Variants in CADPS2 observed in about 807,000 individuals in gnomAD.
CADPS2 encodes the protein calcium dependent secretion activator 2.
A neutral mutation model predicts 172.5 loss-of-function variants in CADPS2; 93 were observed. That is an observed-to-expected ratio of 0.54 (90% confidence interval 0.46 to 0.64). The LOEUF is 0.64. Among genes scored for constraint, CADPS2 ranks in the 30% least tolerant of loss-of-function variants. The pLI is 0.00. For missense variants in CADPS2, 1,420 were observed against 1,565.9 expected (o/e 0.91, Z 1.57); for synonymous variants, 546 against 555.2 (o/e 0.98, Z 0.23).
At chr7:122,424,613 T>A (rs946917469) in intron 17 of CADPS2, among the ~76,000 whole-genome samples, 1 of 152,254 alleles carries the variant, frequency 6.6e-6, no homozygotes, top group Non-Finnish European at 1.5e-5. Context: ...TTACAGAGAA[T>A]AGATTACTAG....
chr7:122,501,667 G>A (rs1002543827), intron 9 of CADPS2, among the ~76,000 whole-genome samples: 7 of 151,912 alleles, frequency 4.6e-5, no homozygotes, highest in South Asian at 4.2e-4. Context: ...GGCTAACACC[G>A]TAGAAAATGT....
At chr7:122,707,110 C>T (rs543412916) in intron 2 of CADPS2, among the ~76,000 whole-genome samples, 5 of 151,856 alleles carry the variant, frequency 3.3e-5, no homozygotes, top group East Asian at 3.9e-4. Context: ...CAGTTACAGG[C>T]TCTAAATTCC....
chr7:122,589,714 T>C (rs943046475), intron 6 of CADPS2, among the ~76,000 whole-genome samples: 1 of 151,838 alleles, frequency 6.6e-6, no homozygotes, highest in African/African-American at 2.4e-5. Context: ...CTGTTGCAAA[T>C]CCAGATACAG....
intron 9 of CADPS2, among the ~76,000 whole-genome samples, chr7:122,512,741 T>TG (rs1321096742): frequency 6.6e-6 from 1 of 151,600 alleles, no homozygotes; most frequent in East Asian, 1.9e-4. Context: ...TGATTATATG[T>TG]ATTATGCTTT....
intron 11 of CADPS2, among the ~76,000 whole-genome samples, chr7:122,483,369 G>T (rs192825454): frequency 1.6e-4 from 24 of 152,128 alleles, no homozygotes; most frequent in Middle Eastern, 3.4e-3. Flanking sequence ...AGTACTAAAA[G>T]AAAAATATCT....
chr7:122,424,183 T>A, intron 17 of CADPS2: 2 of 250,238 alleles, frequency 8.0e-6, no homozygotes, highest in Non-Finnish European at 1.3e-5. Context: ...CCTAATTCCA[T>A]GGCTTCCTTT....
At chr7:122,381,040 C>T (rs567935938) in intron 24 of CADPS2, among the ~76,000 whole-genome samples, 1 of 152,166 alleles carries the variant, frequency 6.6e-6, no homozygotes, top group East Asian at 1.9e-4. Context: ...ATTTTCTGAG[C>T]CAGACAGGTC....
At chr7:122,553,138 G>C (rs2064541171) in intron 8 of CADPS2, among the ~76,000 whole-genome samples, 1 of 152,006 alleles carries the variant, frequency 6.6e-6, no homozygotes, top group Admixed American at 6.6e-5. Context: ...GCAAAAATCA[G>C]GTATTATTTC....
At chr7:122,454,876 G>A (rs1302985825) in intron 14 of CADPS2, among the ~76,000 whole-genome samples, 3 of 152,016 alleles carry the variant, frequency 2.0e-5, no homozygotes, top group Non-Finnish European at 1.5e-5. Context: ...CTGATCCACT[G>A]ATCCCAGCCA....
At chr7:122,663,698 C>G (rs2080863994) in intron 2 of CADPS2, 129 bp from the exon 3 acceptor site, 2 of 701,932 alleles carry the variant, frequency 2.8e-6, no homozygotes, top group African/African-American at 3.6e-5. Context: ...CACAATGATT[C>G]AAAATGTTTT....
chr7:122,843,348 A>C (rs1208671310), intron 1 of CADPS2, among the ~76,000 whole-genome samples: 1 of 152,176 alleles, frequency 6.6e-6, no homozygotes, highest in African/African-American at 2.4e-5. Flanking sequence ...TATCTGCCAC[A>C]GTGGAAAAAA....
chr7:122,639,204 A>C (rs1238534848), intron 3 of CADPS2, among the ~76,000 whole-genome samples: 1 of 152,204 alleles, frequency 6.6e-6, no homozygotes, highest in Non-Finnish European at 1.5e-5. Flanking sequence ...TAGTTGGTTA[A>C]CGTTCTTTTT....
intron 2 of CADPS2, among the ~76,000 whole-genome samples, chr7:122,715,167 T>C (rs1298881490): frequency 1.3e-5 from 2 of 152,194 alleles, no homozygotes; most frequent in Non-Finnish European, 2.9e-5. Flanking sequence ...TCCTATTCTT[T>C]GACTTGTTAT....
intron 2 of CADPS2, among the ~76,000 whole-genome samples, chr7:122,663,796 AT>A (rs1371775533): frequency 6.6e-6 from 1 of 152,214 alleles, no homozygotes; most frequent in Non-Finnish European, 1.5e-5. Flanking sequence ...ACAGTAAAAA[AT>A]ACCAGTAAGA....
At chr7:122,754,751 T>C (rs1474422493) in intron 1 of CADPS2, among the ~76,000 whole-genome samples, 1 of 152,164 alleles carries the variant, frequency 6.6e-6, no homozygotes, top group Non-Finnish European at 1.5e-5. Context: ...CTGGGATTAC[T>C]GGCATAAGCC....
chr7:122,658,366 T>C (rs2080080780), intron 3 of CADPS2, among the ~76,000 whole-genome samples: 1 of 58,354 alleles, frequency 1.7e-5, no homozygotes, highest in Non-Finnish European at 5.1e-5. Flanking sequence ...GAAATACCAT[T>C]CGACCAGCCA....
chr7:122,328,890 C>T (rs1178174247), intron 28 of CADPS2, among the ~76,000 whole-genome samples: 1 of 151,988 alleles, frequency 6.6e-6, no homozygotes, highest in Non-Finnish European at 1.5e-5. Context: ...AACAGGAGCA[C>T]GGAAAACAGA....
chr7:122,705,096 A>G (rs2136378394), intron 2 of CADPS2, among the ~76,000 whole-genome samples: 1 of 152,128 alleles, frequency 6.6e-6, no homozygotes, highest in Admixed American at 6.6e-5. Flanking sequence ...GCTTCCATCA[A>G]GGATGAGGCC....
chr7:122,509,873 G>A (rs961587451), intron 9 of CADPS2, among the ~76,000 whole-genome samples: 1 of 152,010 alleles, frequency 6.6e-6, no homozygotes, highest in African/African-American at 2.4e-5. Context: ...TTGCCACAAA[G>A]TACTTGCTTA....
Sources: gnomAD v4.1 joint callset for allele counts (sites outside exome capture counted in the v4.1 genomes callset) on GRCh38, gnomAD v4.1.1 for gene constraint, MANE v1.5 for transcripts, NCBI Gene and HGNC (gene_info 2026-07-23, HGNC 2026-07-21) for gene names.